Variants in ST8SIA4 observed in about 807,000 individuals in gnomAD.
ST8SIA4 encodes the protein ST8 alpha-N-acetyl-neuraminide alpha-2,8-sialyltransferase 4.
A neutral mutation model predicts 33.9 loss-of-function variants in ST8SIA4; 15 were observed. That is an observed-to-expected ratio of 0.44 (90% CI 0.30 to 0.68). The LOEUF (loss-of-function observed/expected upper bound fraction) is 0.68. Ranked by LOEUF, ST8SIA4 falls within the 30% of genes least tolerant of loss-of-function variation. The pLI is 0.10. For synonymous variants in ST8SIA4, 171 were observed against 151.2 expected, an observed-to-expected ratio of 1.13 and a Z score of -0.96; for missense variants, 321 against 428.0, an observed-to-expected ratio of 0.75 and a Z score of 2.21.
intron 4 of ST8SIA4, among the ~76,000 whole-genome samples, chr5:100,852,361 A>T (rs1473707413): frequency 6.6e-6 from 1 of 151,616 alleles, no homozygotes; most frequent in Non-Finnish European, 1.5e-5. Context: ...ACCTCAGGTA[A>T]TCCACGCACC....
chr5:100,818,336 GT>G (rs1561383567), intron 4 of ST8SIA4, among the ~76,000 whole-genome samples: 1 of 151,838 alleles, frequency 6.6e-6, no homozygotes, highest in African/African-American at 2.4e-5. Flanking sequence ...ATCAATAGTG[GT>G]TTTTTTTCTA....
Position 100,895,689 on chromosome 5 carries a change from A to G in ST8SIA4, c.210T>C (p.Gly70=). 6.2e-7 allele frequency: 1 copy of G among 1,611,680 alleles called. No individual in the cohort carries two copies. The highest frequency in any genetic ancestry group is 8.5e-7 in the Non-Finnish European group (1 of 1,178,594). ...GGACCAAAGAGGAATTGATTTTCCA[A>G]CCTTCTACATTGTGCTGGAAGATTG... The part of the protein sequence containing the change: ...GSSIFQHNVE[G]WKINSSLVLE... The change falls in exon 2 of 5, where the codon GGT becomes GGC. Residue 70 remains glycine (G), a synonymous_variant. Transcript: ENST00000231461.
At chr5:100,885,749 T>C in intron 3 of ST8SIA4, 1 of 943,996 alleles carries the variant, frequency 1.1e-6, no homozygotes, top group Non-Finnish European at 1.3e-6. Flanking sequence ...ATTCATCAAA[T>C]ATCTTTTAAC....
intron 3 of ST8SIA4, among the ~76,000 whole-genome samples, chr5:100,874,073 C>T (rs1752255421): frequency 6.6e-6 from 1 of 152,134 alleles, no homozygotes; most frequent in African/African-American, 2.4e-5. Context: ...AGAGAAAGAA[C>T]CTAAGAAAGG....
At chr5:100,829,252 T>G (rs941962045) in intron 4 of ST8SIA4, among the ~76,000 whole-genome samples, 1 of 152,122 alleles carries the variant, frequency 6.6e-6, no homozygotes, top group East Asian at 1.9e-4. Flanking sequence ...ACTGTCTCTC[T>G]CTCCCCTCCA....
Position 100,856,299 on chromosome 5 carries a change from C to T in ST8SIA4, c.601G>A (p.Gly201Ser), listed in dbSNP as rs144812419. ...NPSVVQRAFG[G>S]FRNESDREKF... Reference sequence around the variant, plus strand: ...TCTCTGTCACTCTCATTTCGAAAGCCTCCAAATGCTCTTTGTACAACTGAT... The same window carrying T: ...TCTCTGTCACTCTCATTTCGAAAGCTTCCAAATGCTCTTTGTACAACTGAT... The change falls in exon 4 of 5, where the codon GGC becomes AGC. Residue 201 changes from glycine (G) to serine (S), a missense_variant. By Grantham distance (56) the Gly-to-Ser change is moderately conservative. Coordinates refer to ENST00000231461, the MANE Select transcript of ST8SIA4 (RefSeq NM_005668.6). 1.3e-5 allele frequency: 21 copies of T among 1,613,958 alleles called. No individual in the cohort carries two copies. The African/African-American group carries it at 2.1e-4, about 16-fold the overall frequency.
intron 4 of ST8SIA4, among the ~76,000 whole-genome samples, chr5:100,817,670 A>G (rs1185775809): frequency 1.3e-5 from 2 of 152,320 alleles, no homozygotes; most frequent in African/African-American, 4.8e-5. Flanking sequence ...ACCTTTTAAG[A>G]TTATGAGATG....
chr5:100,847,495 C>A (rs11738152), intron 4 of ST8SIA4, among the ~76,000 whole-genome samples: 2 of 151,786 alleles, frequency 1.3e-5, no homozygotes, highest in African/African-American at 4.8e-5. Context: ...TAGACTTTAA[C>A]CTTTACTTTC....
intron 4 of ST8SIA4, among the ~76,000 whole-genome samples, chr5:100,851,246 C>G (rs1417409364): frequency 6.6e-6 from 1 of 151,900 alleles, no homozygotes; most frequent in Non-Finnish European, 1.5e-5. Context: ...CAGGCATAAG[C>G]CACCATGCCC....
At chr5:100,847,736 G>T (rs776219695) in intron 4 of ST8SIA4, among the ~76,000 whole-genome samples, 2 of 152,028 alleles carry the variant, frequency 1.3e-5, no homozygotes, top group Non-Finnish European at 2.9e-5. Context: ...ACCCAGATGA[G>T]AAGTTAGCTA....
rs201029430 is a variant in ST8SIA4, at chr5:100,864,574, CAAAAAAAAAAAAAAA to C, written c.504-8193_504-8179del. Among the ~76,000 whole-genome samples the C allele has an allele frequency of 4.3e-5, 3 of 69,384 alleles. No individual in the cohort carries two copies. The South Asian group carries it at 1.6e-3, about 37-fold the overall frequency. 45.5% of individuals were successfully genotyped at this position (69,384 alleles called of 152,430 possible). On this transcript the variant is annotated intron_variant, in intron 3 of 4. Coordinates refer to ENST00000231461, the MANE Select transcript of ST8SIA4 (RefSeq NM_005668.6). ...TGGGTGACAGAGCAAGACTCCGGCTCAAAAAAAAAAAAAAAAAAAAAAAAAAAAAGCCAACAGCAA... is the reference window on the plus strand; with the variant it reads ...TGGGTGACAGAGCAAGACTCCGGCTCAAAAAAAAAAAAAAGCCAACAGCAA...
chr5:100,817,352 C>A (rs1455857337), intron 4 of ST8SIA4, among the ~76,000 whole-genome samples: 8 of 151,966 alleles, frequency 5.3e-5, no homozygotes, highest in Non-Finnish European at 1.5e-5. Flanking sequence ...CTAATAGAGA[C>A]CATTTATGAT....
At chr5:100,883,707 A>C (rs1190128117) in intron 3 of ST8SIA4, among the ~76,000 whole-genome samples, 1 of 152,202 alleles carries the variant, frequency 6.6e-6, no homozygotes, top group Non-Finnish European at 1.5e-5. Flanking sequence ...TTCTCGTGGT[A>C]GTGAATAAGT....
intron 3 of ST8SIA4, among the ~76,000 whole-genome samples, chr5:100,883,952 G>A (rs1318370079): frequency 6.6e-6 from 1 of 152,128 alleles, no homozygotes; most frequent in East Asian, 1.9e-4. Context: ...AGGCTATTCT[G>A]CTAAAAAATT....
chr5:100,874,156 T>C (rs1180747252), intron 3 of ST8SIA4, among the ~76,000 whole-genome samples: 2 of 152,176 alleles, frequency 1.3e-5, no homozygotes, highest in South Asian at 2.1e-4. Context: ...TATGGTGATA[T>C]ATAAATGATA....
intron 4 of ST8SIA4, among the ~76,000 whole-genome samples, chr5:100,824,268 G>A (rs902256548): frequency 6.6e-6 from 1 of 152,178 alleles, no homozygotes; most frequent in Non-Finnish European, 1.5e-5. Flanking sequence ...AATACCTGTA[G>A]AGTGCAGAAG....
intron 3 of ST8SIA4, among the ~76,000 whole-genome samples, chr5:100,880,004 G>T (rs940210577): frequency 6.6e-6 from 1 of 152,114 alleles, no homozygotes; most frequent in Non-Finnish European, 1.5e-5. Context: ...ATTGAAGTTT[G>T]TATAAGGGAT....
Position 100,878,124 on chromosome 5 carries a change from G to C in ST8SIA4, c.503+8219C>G, listed in dbSNP as rs576418667. 2.5e-3 allele frequency among the ~76,000 whole-genome samples: 382 copies of C among 152,212 alleles called. 2 individuals carry two copies. The highest frequency in any genetic ancestry group is 8.5e-3 in the African/African-American group (351 of 41,534). On this transcript the variant is annotated intron_variant, in intron 3 of 4. Transcript: ENST00000231461. ...AGGAGTGGCCTAATTAATCAAATGA[G>C]AAGAATGAGGTCACATGCCTCTTCA...
At chr5:100,854,780 T>C (rs1036300867) in intron 4 of ST8SIA4, among the ~76,000 whole-genome samples, 2 of 152,200 alleles carry the variant, frequency 1.3e-5, no homozygotes, top group African/African-American at 4.8e-5. Context: ...TATTTTTAAG[T>C]CTGGGCTTGG....
Sources: gnomAD v4.1 joint callset for allele counts (sites outside exome capture counted in the v4.1 genomes callset) on GRCh38, gnomAD v4.1.1 for gene constraint, MANE v1.5 for transcripts, NCBI Gene and HGNC (gene_info 2026-07-23, HGNC 2026-07-21) for gene names.